Variants in KIAA1217 observed in about 807,000 individuals in gnomAD.
The protein encoded by KIAA1217 is sickle tail protein homolog.
A neutral mutation model predicts 163.9 loss-of-function variants in KIAA1217; 88 were observed. The ratio of observed to expected loss-of-function variants is 0.54; its 90% CI spans 0.45 to 0.64. The LOEUF (loss-of-function observed/expected upper bound fraction) is 0.64, where lower values mean the gene tolerates loss of function less well. Among genes scored for constraint, KIAA1217 ranks in the 30% least tolerant of loss-of-function variants. The pLI is 0.00. For missense variants in KIAA1217, 2,372 were observed against 2,475.0 expected, an observed-to-expected ratio of 0.96 and a Z score of 0.88; for synonymous variants, 903 against 923.1, an observed-to-expected ratio of 0.98 and a Z score of 0.39.
At chr10:23,928,482 A>G (rs983363118) in intron 1 of KIAA1217, among the ~76,000 whole-genome samples, 2 of 152,194 alleles carry the variant, frequency 1.3e-5, no homozygotes, top group African/African-American at 4.8e-5. Context: ...ATATAAATGT[A>G]TATGGTCATT....
At chr10:23,817,740 T>C (rs980025207) in intron 1 of KIAA1217, among the ~76,000 whole-genome samples, 1 of 151,760 alleles carries the variant, frequency 6.6e-6, no homozygotes, top group African/African-American at 2.4e-5. Context: ...AGTACTAGTC[T>C]CATTTTGAGG....
At chr10:24,340,393 T>C (rs546481729) in intron 2 of KIAA1217, among the ~76,000 whole-genome samples, 1 of 152,276 alleles carries the variant, frequency 6.6e-6, no homozygotes, top group East Asian at 1.9e-4. Context: ...CACTTGCCTC[T>C]CCTTCTCTCT....
At chr10:24,356,656 C>G (rs1228514371) in intron 2 of KIAA1217, among the ~76,000 whole-genome samples, 2 of 152,196 alleles carry the variant, frequency 1.3e-5, no homozygotes, top group Non-Finnish European at 2.9e-5. Flanking sequence ...CTTGGAAGCA[C>G]GTTCCTAAGA....
chr10:24,500,358 A>G (rs1260186397), intron 8 of KIAA1217, among the ~76,000 whole-genome samples: 1 of 142,058 alleles, frequency 7.0e-6, no homozygotes, highest in Non-Finnish European at 1.5e-5. Context: ...TGTCTTTATT[A>G]GTAATATGGA....
intron 2 of KIAA1217, among the ~76,000 whole-genome samples, chr10:24,339,205 C>T (rs2046761333): frequency 6.6e-6 from 1 of 152,124 alleles, no homozygotes; most frequent in Non-Finnish European, 1.5e-5. Flanking sequence ...TTAAATATCC[C>T]TTTTTGGATG....
chr10:24,407,036 C>A (rs1449926323), intron 3 of KIAA1217, among the ~76,000 whole-genome samples: 1 of 152,198 alleles, frequency 6.6e-6, no homozygotes, highest in African/African-American at 2.4e-5. Flanking sequence ...ACCATCGCAG[C>A]TCTGTCATGG....
intron 2 of KIAA1217, among the ~76,000 whole-genome samples, chr10:24,200,884 A>G (rs1344412740): frequency 1.3e-5 from 2 of 151,988 alleles, no homozygotes; most frequent in Non-Finnish European, 2.9e-5. Flanking sequence ...CATTTTCCAC[A>G]CCAGTTTGTA....
At chr10:23,853,137 A>G (rs530383828) in intron 1 of KIAA1217, among the ~76,000 whole-genome samples, 126 of 152,210 alleles carry the variant, frequency 8.3e-4, no homozygotes, top group African/African-American at 2.9e-3. Flanking sequence ...TCAGTATGAT[A>G]TTGGCTGTGG....
At chr10:24,416,991 A>G (rs2058305298) in intron 3 of KIAA1217, among the ~76,000 whole-genome samples, 1 of 152,100 alleles carries the variant, frequency 6.6e-6, no homozygotes, top group Non-Finnish European at 1.5e-5. Flanking sequence ...TAATCCCTGT[A>G]CTTCCATCAA....
intron 1 of KIAA1217, among the ~76,000 whole-genome samples, chr10:23,916,898 G>A (rs1842651722): frequency 6.7e-6 from 1 of 149,340 alleles, no homozygotes; most frequent in South Asian, 2.1e-4. Context: ...CTTGAAACAG[G>A]GAGTTGGAGG....
intron 2 of KIAA1217, among the ~76,000 whole-genome samples, chr10:24,008,506 T>C (rs761336949): frequency 1.3e-5 from 2 of 152,152 alleles, no homozygotes; most frequent in African/African-American, 4.8e-5. Context: ...TGTAAAGTGA[T>C]ATTGTTGGTA....
chr10:24,466,336 A>G (rs977320717), intron 5 of KIAA1217, among the ~76,000 whole-genome samples: 1 of 151,696 alleles, frequency 6.6e-6, no homozygotes, highest in African/African-American at 2.4e-5. Flanking sequence ...ATATTTTGTA[A>G]TATTTCCTTT....
At chr10:24,039,917 T>G (rs1329204381) in intron 2 of KIAA1217, among the ~76,000 whole-genome samples, 1 of 152,196 alleles carries the variant, frequency 6.6e-6, no homozygotes, top group Admixed American at 6.5e-5. Flanking sequence ...AAGTGGCCTA[T>G]AGCATAATCC....
chr10:23,700,906 A>C (rs1175077452), intron 1 of KIAA1217, among the ~76,000 whole-genome samples: 7 of 138,256 alleles, frequency 5.1e-5, no homozygotes, highest in African/African-American at 2.2e-4. Flanking sequence ...GGTAAACTCC[A>C]TAAAGGAAGA....
At chr10:24,065,179 T>G (rs565895545) in intron 2 of KIAA1217, among the ~76,000 whole-genome samples, 1 of 152,246 alleles carries the variant, frequency 6.6e-6, no homozygotes, top group Non-Finnish European at 1.5e-5. Context: ...TCTTGCCTTC[T>G]GCTAGCTTTT....
chr10:24,108,828 T>G (rs73604454), intron 2 of KIAA1217, among the ~76,000 whole-genome samples: 6,767 of 152,174 alleles, frequency 0.044, 534 homozygotes, highest in African/African-American at 0.15. Context: ...TCTCAAAACT[T>G]TGTTTTGTTT....
At chr10:24,051,433 T>G (rs1053819828) in intron 2 of KIAA1217, among the ~76,000 whole-genome samples, 1 of 152,210 alleles carries the variant, frequency 6.6e-6, no homozygotes, top group African/African-American at 2.4e-5. Flanking sequence ...GTAATAGGAT[T>G]GCTAGATCAA....
At chr10:24,461,743 A>G (rs745419432) in intron 5 of KIAA1217, among the ~76,000 whole-genome samples, 10 of 152,200 alleles carry the variant, frequency 6.6e-5, no homozygotes, top group Non-Finnish European at 1.3e-4. Flanking sequence ...ACATATATAC[A>G]TTTTAATTCT....
At chr10:24,112,418 G>T (rs76584303) in intron 2 of KIAA1217, among the ~76,000 whole-genome samples, 1 of 152,214 alleles carries the variant, frequency 6.6e-6, no homozygotes, top group African/African-American at 2.4e-5. Flanking sequence ...CAAGTATATA[G>T]CCTGGTGTCG....
Sources: allele counts gnomAD v4.1 joint callset (sites outside exome capture counted in the v4.1 genomes callset), GRCh38; gene constraint gnomAD v4.1.1; transcripts MANE v1.5; gene names NCBI Gene and HGNC (gene_info 2026-07-23, HGNC 2026-07-21).